SUPT6H: variants seen among roughly 807,000 people sequenced by gnomAD.
SUPT6H encodes the protein SPT6 homolog, histone chaperone and transcription elongation factor, also known as transcription elongation factor SPT6.
In SUPT6H, 11 loss-of-function variants were observed where a neutral mutation model predicts 222.3. The observed-to-expected ratio is 0.05, with a 90% CI of 0.03 to 0.08. The LOEUF (loss-of-function observed/expected upper bound fraction) is 0.08. Among genes scored for constraint, SUPT6H ranks in the 10% least tolerant of loss-of-function variants. The pLI is 1.00. For missense variants in SUPT6H, 1,422 were observed against 2,216.0 expected (o/e 0.64, Z 7.19); for synonymous variants, 762 against 801.2 (o/e 0.95, Z 0.83).
At chr17:28,684,987 AGT>A in intron 19 of SUPT6H, 26 bp downstream of exon 19, 1 of 1,592,552 alleles carries the variant, frequency 6.3e-7, no homozygotes. Flanking sequence ...GAGGATACTA[AGT>A]GTACATCTGG....
intron 1 of SUPT6H, among the ~76,000 whole-genome samples, chr17:28,664,952 T>A (rs2029928210): frequency 6.6e-6 from 1 of 152,234 alleles, no homozygotes; most frequent in Non-Finnish European, 1.5e-5. Flanking sequence ...TCTTCACTTT[T>A]ACCACCTTAT....
In SUPT6H at chr17:28,683,607, G is replaced by A; in HGVS notation, c.2034-14G>A. 1 of 1,612,190 alleles carries A rather than the reference G, an allele frequency of 6.2e-7. No individual in the cohort carries two copies. Among genetic ancestry groups the A allele is most frequent in the African/African-American group, 1.3e-5 (1 of 74,982 alleles). Reference sequence around the variant, plus strand: ...TCTCCATTCCTGACACCATAGCTTTGTGTCTCTTCTCAGCTATGGCAACGA... The same window carrying A: ...TCTCCATTCCTGACACCATAGCTTTATGTCTCTTCTCAGCTATGGCAACGA... On this transcript the variant is annotated splice_polypyrimidine_tract_variant and intron_variant, in intron 16 of 36. Transcript: ENST00000314616.
intron 13 of SUPT6H, 63 bp from the exon 14 acceptor site, chr17:28,682,664 T>C: frequency 1.3e-6 from 2 of 1,576,784 alleles, no homozygotes; most frequent in Non-Finnish European, 1.7e-6. Context: ...CTCCAGATTC[T>C]GAAAGCCAAG....
rs929213624 is a variant in SUPT6H at position 28,676,068 on chromosome 17, C to G, written c.624-89C>G. The G allele has an allele frequency of 4.2e-6, 6 of 1,440,748 alleles. No homozygotes were observed. The Admixed American group carries it at 9.4e-5, about 23-fold the overall frequency. 89.2% of individuals were successfully genotyped at this position (1,440,748 alleles called of 1,614,324 possible). A position where few individuals can be genotyped will look rare whatever the true frequency, so the allele number is the denominator to read the frequency against. ...ACCTTCCTCCTAACCCTCTCAGTTC[C>G]CTTGGGACAAGTAAAGGATCTATGC... On this transcript the variant is annotated intron_variant, in intron 6 of 36. Transcript: ENST00000314616.
chr17:28,687,313 G>C lies in SUPT6H; in HGVS notation c.2848G>C (p.Val950Leu). 1 of 1,614,156 alleles carries C rather than the reference G, an allele frequency of 6.2e-7. No individual in the cohort carries two copies. Among genetic ancestry groups the C allele is most frequent in the Non-Finnish European group, 8.5e-7 (1 of 1,180,026 alleles). The change falls in exon 23 of 37, where the codon GTG (valine) becomes CTG (leucine). Residue 950 changes from valine (V) to leucine (L), a missense_variant. By Grantham distance (32) the Val-to-Leu change is conservative. This residue lies in a region of SUPT6H where 294 missense variants were observed against 382.1 expected (regional missense o/e 0.77). Transcript: ENST00000314616. Reference sequence around the variant, plus strand: ...TGCTGAATGTCCACAGGAGCATGTGGTGAAAGAGGAGCTGCTCAACGCCTT... The same window carrying C: ...TGCTGAATGTCCACAGGAGCATGTGCTGAAAGAGGAGCTGCTCAACGCCTT... ...LKFHPLQEHV[V>L]KEELLNALYC...
At position 28,683,307 on chromosome 17, in the gene SUPT6H, T is replaced by G; in HGVS notation, c.1918T>G (p.Leu640Val). The change falls in exon 16 of 37, where the codon TTA becomes GTA. Residue 640 changes from leucine to valine, a missense_variant. Leu to Val is a conservative substitution (Grantham distance 32). Coordinates refer to ENST00000314616, the MANE Select transcript of SUPT6H (RefSeq NM_003170.5). ...CCACTATGCCTATTCCTTCAAGTAT[T>G]TAAAGAACAAGCCTGTTAAGGAACT... ...EAHYAYSFKY[L>V]KNKPVKELRD... The G allele has an allele frequency of 1.2e-6, 2 of 1,614,158 alleles. No individual in the cohort carries two copies. Among genetic ancestry groups the G allele is most frequent in the Non-Finnish European group, 1.7e-6 (2 of 1,180,032 alleles).
At chr17:28,689,590 G>A (rs1198135244) in intron 25 of SUPT6H, 29 bp downstream of exon 25, 1 of 1,610,912 alleles carries the variant, frequency 6.2e-7, no homozygotes, top group Non-Finnish European at 8.5e-7. Context: ...GGCCCGGCAG[G>A]AGAACCCATC....
At chr17:28,667,518 CGTGT>C (rs146070299) in intron 1 of SUPT6H, among the ~76,000 whole-genome samples, 5 of 117,824 alleles carry the variant, frequency 4.2e-5, no homozygotes, top group Middle Eastern at 5.3e-3. Flanking sequence ...TATATAAATA[CGTGT>C]GTGTGTGTGT....
At chr17:28,667,525 G>A in intron 1 of SUPT6H, among the ~76,000 whole-genome samples, 1 of 147,600 alleles carries the variant, frequency 6.8e-6, no homozygotes, top group Non-Finnish European at 1.5e-5. Flanking sequence ...ATACGTGTGT[G>A]TGTGTGTGTT....
At chr17:28,690,325 G>C in intron 26 of SUPT6H, 96 bp downstream of exon 26, 2 of 1,481,806 alleles carry the variant, frequency 1.3e-6, no homozygotes, top group Non-Finnish European at 1.8e-6. Context: ...AGGCAGGTTT[G>C]TGTTGTACAT....
At position 28,690,237 on chromosome 17, in the gene SUPT6H, C is replaced by A; in HGVS notation, c.3490+8C>A. The A allele has an allele frequency of 6.2e-7, 1 of 1,612,924 alleles. No homozygotes were observed. The highest frequency in any genetic ancestry group is 8.5e-7 in the Non-Finnish European group (1 of 1,179,506). ...CAGAGACCTTCTACATTGGTAAATT[C>A]TGGGGTCATTTTTTTATTGGGGGCA... is the stretch of plus-strand genomic sequence containing the variant. On this transcript the variant is annotated splice_region_variant and intron_variant, in intron 26 of 36. Transcript: ENST00000314616.
chr17:28,695,755 T>C (rs2031875766), intron 29 of SUPT6H, among the ~76,000 whole-genome samples: 1 of 152,200 alleles, frequency 6.6e-6, no homozygotes, highest in African/African-American at 2.4e-5. Context: ...TGCTAATGCC[T>C]TGTGACTCTT....
chr17:28,688,466 A>G lies in SUPT6H; in HGVS notation c.3134+248A>G. The G allele has an allele frequency of 3.2e-6, 1 of 311,530 alleles. No homozygotes were observed. Among genetic ancestry groups the G allele is most frequent in the Non-Finnish European group, 5.7e-6 (1 of 175,404 alleles). 19.3% of individuals were successfully genotyped at this position (311,530 alleles called of 1,614,324 possible). On this transcript the variant is annotated intron_variant, in intron 24 of 36. Transcript: ENST00000314616. The surrounding 1 kb of genome is among the most constrained non-coding windows in gnomAD (Gnocchi z 4.3). ...GCTTAGCTTATAAATTAAGCATGGA[A>G]AACACAAGATTTTGTTCAGTAAACA...
At position 28,701,673 on chromosome 17, in the gene SUPT6H, T is replaced by G; in HGVS notation, c.*48T>G. ...GTTACCTCTGAGGCTGGGAAAGGCCTGGCTGCCCACTGCCTCCCTCCCTGC... is the reference window on the plus strand; with the variant it reads ...GTTACCTCTGAGGCTGGGAAAGGCCGGGCTGCCCACTGCCTCCCTCCCTGC... On this transcript the variant is annotated 3_prime_UTR_variant, in exon 37 of 37. Transcript: ENST00000314616. 6.5e-7 allele frequency: 1 copy of G among 1,546,906 alleles called. No individual in the cohort carries two copies. Among genetic ancestry groups the G allele is most frequent in the Non-Finnish European group, 8.8e-7 (1 of 1,141,286 alleles).
At chr17:28,695,184 A>G (rs1381693395) in intron 28 of SUPT6H, 168 bp from the exon 29 acceptor site, 2 of 662,718 alleles carry the variant, frequency 3.0e-6, no homozygotes, top group Middle Eastern at 3.7e-4. Flanking sequence ...TCTACAGACA[A>G]GATTCCACCC....
intron 26 of SUPT6H, 118 bp from the exon 27 acceptor site, chr17:28,690,803 A>C (rs2031605068): frequency 8.5e-7 from 1 of 1,182,882 alleles, no homozygotes; most frequent in Non-Finnish European, 1.2e-6. Flanking sequence ...AAAATCGGGA[A>C]GAGTTCCCTC....
At position 28,700,098 on chromosome 17, in the gene SUPT6H, C is replaced by T. The variant is rs967873869; in HGVS notation, c.4562-75C>T. ...CTTCCTCCCTCTACCTACTTCAGTGCCCCTTCCACCCCCTGAATTGGGAAA... is the reference window on the plus strand; with the variant it reads ...CTTCCTCCCTCTACCTACTTCAGTGTCCCTTCCACCCCCTGAATTGGGAAA... On this transcript the variant is annotated intron_variant, in intron 33 of 36. Coordinates refer to ENST00000314616, the MANE Select transcript of SUPT6H (RefSeq NM_003170.5). 1.9e-5 allele frequency: 31 copies of T among 1,593,508 alleles called. 1 individual carries two copies. Among genetic ancestry groups the T allele is most frequent in the Admixed American group, 1.8e-4 (11 of 59,806 alleles).
At chr17:28,668,605 C>G (rs971831493) in intron 1 of SUPT6H, among the ~76,000 whole-genome samples, 27 of 152,182 alleles carry the variant, frequency 1.8e-4, no homozygotes, top group African/African-American at 6.5e-4. Flanking sequence ...GCCCTTGAGA[C>G]AGAAGAAAGC....
chr17:28,692,315 C>G (rs1462494647), intron 27 of SUPT6H, among the ~76,000 whole-genome samples: 1 of 131,496 alleles, frequency 7.6e-6, no homozygotes, highest in Non-Finnish European at 1.6e-5. Flanking sequence ...CAGCGAGACT[C>G]TGTCTCAAAA....
Sources: allele counts gnomAD v4.1 joint callset (sites outside exome capture counted in the v4.1 genomes callset), GRCh38; gene constraint gnomAD v4.1.1; regional missense constraint gnomAD v4.1.1; non-coding constraint Gnocchi (gnomAD v3.1); transcripts MANE v1.5; gene names NCBI Gene and HGNC (gene_info 2026-07-23, HGNC 2026-07-21).